MAPKAP1: variants seen among roughly 807,000 people sequenced by gnomAD.
MAPKAP1 encodes the protein MAPK associated protein 1.
A neutral mutation model predicts 65.7 loss-of-function variants in MAPKAP1; 20 were observed. That is an observed-to-expected ratio of 0.30 (90% CI 0.21 to 0.44). The LOEUF is 0.44. Among genes scored for constraint, MAPKAP1 ranks in the 20% least tolerant of loss-of-function variants. The pLI, the probability that MAPKAP1 is intolerant of heterozygous loss-of-function variation, is 1.00. For missense variants in MAPKAP1, 423 were observed against 648.0 expected (o/e 0.65, Z 3.77); for synonymous variants, 222 against 244.3 (o/e 0.91, Z 0.85).
At chr9:125,574,627 C>G (rs894772781) in intron 5 of MAPKAP1, among the ~76,000 whole-genome samples, 1 of 152,188 alleles carries the variant, frequency 6.6e-6, no homozygotes, top group Non-Finnish European at 1.5e-5. Flanking sequence ...CTGCCAAATA[C>G]TGTCCTAAGT....
At chr9:125,625,257 A>AT (rs1833077308) in intron 4 of MAPKAP1, among the ~76,000 whole-genome samples, 1 of 64,066 alleles carries the variant, frequency 1.6e-5, no homozygotes, top group African/African-American at 6.2e-5. Flanking sequence ...TAAATAAATA[A>AT]AAAAAAAAAA....
At chr9:125,602,219 C>T (rs998937234) in intron 4 of MAPKAP1, among the ~76,000 whole-genome samples, 1 of 152,102 alleles carries the variant, frequency 6.6e-6, no homozygotes, top group Non-Finnish European at 1.5e-5. Flanking sequence ...CACCACTGCG[C>T]TCCAGCCTGG....
At chr9:125,677,857 G>A (rs1313532074) in intron 1 of MAPKAP1, among the ~76,000 whole-genome samples, 1 of 151,998 alleles carries the variant, frequency 6.6e-6, no homozygotes, top group South Asian at 2.1e-4. Context: ...ACTAAAAATG[G>A]AAGCAATAGG....
chr9:125,457,491 C>A (rs1853230206), intron 10 of MAPKAP1, among the ~76,000 whole-genome samples: 1 of 152,018 alleles, frequency 6.6e-6, no homozygotes, highest in Non-Finnish European at 1.5e-5. Context: ...TGATTGTTTC[C>A]TTGGTTATGA....
intron 10 of MAPKAP1, among the ~76,000 whole-genome samples, chr9:125,451,912 C>T (rs912613841): frequency 1.3e-5 from 2 of 150,418 alleles, no homozygotes; most frequent in African/African-American, 4.9e-5. Flanking sequence ...CAAGTTCAAG[C>T]CATTCTCCTG....
At position 125,498,990 on chromosome 9, in the gene MAPKAP1, T is replaced by C. The variant is rs142879765; in HGVS notation, c.1066+7320A>G. On this transcript the variant is annotated intron_variant, in intron 8 of 11. Transcript: ENST00000265960. ...ATTTATTAATTACAGTTAACATTTA[T>C]TGAGTACTTATTATGTGCTGTTCTA... Among the ~76,000 whole-genome samples, 4 of 152,362 alleles carry C rather than the reference T, an allele frequency of 2.6e-5. No individual in the cohort carries two copies. In the East Asian group the frequency reaches 7.7e-4, roughly 29 times the overall value.
In MAPKAP1 at chr9:125,585,733, G is replaced by A. The variant is rs770181815; in HGVS notation, c.499-6C>T. 1 of 1,613,492 alleles carries A rather than the reference G, an allele frequency of 6.2e-7. No individual in the cohort carries two copies. Among genetic ancestry groups the A allele is most frequent in the African/African-American group, 1.3e-5 (1 of 74,892 alleles). On this transcript the variant is annotated splice_polypyrimidine_tract_variant and splice_region_variant and intron_variant, in intron 4 of 11. Transcript: ENST00000265960. Reference sequence around the variant, plus strand: ...GCTGTTGTACCTACATGACCCTGTGGACAGAACAAACACGTGAGAGCAAAG... The same window carrying A: ...GCTGTTGTACCTACATGACCCTGTGAACAGAACAAACACGTGAGAGCAAAG...
At chr9:125,536,625 A>T (rs543658606) in intron 7 of MAPKAP1, among the ~76,000 whole-genome samples, 2 of 144,396 alleles carry the variant, frequency 1.4e-5, no homozygotes, top group Non-Finnish European at 3.1e-5. Flanking sequence ...TCTTTTAAGG[A>T]TTATCTGCTA....
intron 8 of MAPKAP1, among the ~76,000 whole-genome samples, chr9:125,491,139 CA>C (rs34339738): frequency 0.1 from 12,317 of 119,718 alleles, 649 homozygotes; most frequent in East Asian, 0.22. Context: ...GACTCCGTCT[CA>C]AAAAAAAAAA....
At chr9:125,693,838 T>TACACACACACACACACAC (rs1197235568) in intron 1 of MAPKAP1, among the ~76,000 whole-genome samples, 4 of 117,328 alleles carry the variant, frequency 3.4e-5, no homozygotes, top group African/African-American at 1.5e-4. Flanking sequence ...CACATATATA[T>TACACACACACACACACAC]ACACACATAC....
At chr9:125,441,280 C>CCCA (rs1309123594) in intron 11 of MAPKAP1, among the ~76,000 whole-genome samples, 1 of 152,210 alleles carries the variant, frequency 6.6e-6, no homozygotes, top group East Asian at 1.9e-4. Context: ...TTAGGGACCA[C>CCCA]CCATGGCTTA....
At chr9:125,493,213 C>CT in intron 8 of MAPKAP1, among the ~76,000 whole-genome samples, 1 of 152,208 alleles carries the variant, frequency 6.6e-6, no homozygotes, top group Non-Finnish European at 1.5e-5. Context: ...CTGCTCCACT[C>CT]TATCTTGAAG....
intron 10 of MAPKAP1, among the ~76,000 whole-genome samples, chr9:125,464,212 A>T (rs903013080): frequency 1.2e-4 from 18 of 145,354 alleles, no homozygotes; most frequent in Admixed American, 2.0e-4. Context: ...ATTAAAAAAA[A>T]AAAAAAAAAA....
intron 5 of MAPKAP1, among the ~76,000 whole-genome samples, chr9:125,571,889 T>C (rs565153120): frequency 2.0e-5 from 3 of 151,830 alleles, no homozygotes; most frequent in African/African-American, 4.8e-5. Context: ...ATAAATAGAA[T>C]ATCCTGCTGA....
At chr9:125,700,219 T>G (rs1162051236) in intron 1 of MAPKAP1, among the ~76,000 whole-genome samples, 2 of 152,238 alleles carry the variant, frequency 1.3e-5, no homozygotes, top group Non-Finnish European at 2.9e-5. Context: ...ATACTCGCTT[T>G]ATTTTCAAAA....
At chr9:125,519,912 T>A (rs148099983) in intron 7 of MAPKAP1, among the ~76,000 whole-genome samples, 353 of 152,138 alleles carry the variant, frequency 2.3e-3, no homozygotes, top group Non-Finnish European at 4.1e-3. Flanking sequence ...CAGGAGTCCA[T>A]CCCTACAGCC....
chr9:125,444,468 T>C (rs781764465), intron 11 of MAPKAP1, 33 bp downstream of exon 11: 6 of 1,537,648 alleles, frequency 3.9e-6, no homozygotes, highest in Non-Finnish European at 5.4e-6. Context: ...TGGACCCACC[T>C]ACCCTGTCTC....
At chr9:125,503,552 G>A (rs1829046400) in intron 8 of MAPKAP1, among the ~76,000 whole-genome samples, 1 of 152,144 alleles carries the variant, frequency 6.6e-6, no homozygotes, top group African/African-American at 2.4e-5. Flanking sequence ...TACTTAGTCT[G>A]CCTTTACTAG....
intron 1 of MAPKAP1, among the ~76,000 whole-genome samples, chr9:125,695,130 T>C (rs1032057201): frequency 1.3e-5 from 2 of 152,260 alleles, no homozygotes; most frequent in Non-Finnish European, 2.9e-5. Flanking sequence ...GTCCGTATTT[T>C]AACTCAGCAA....
Sources: gnomAD v4.1 joint callset for allele counts (sites outside exome capture counted in the v4.1 genomes callset) on GRCh38, gnomAD v4.1.1 for gene constraint, MANE v1.5 for transcripts, NCBI Gene and HGNC (gene_info 2026-07-23, HGNC 2026-07-21) for gene names.